TNFRSF19: variants seen among roughly 807,000 people sequenced by gnomAD.
The protein encoded by TNFRSF19 is TNF receptor superfamily member 19.
In TNFRSF19, 27 loss-of-function variants were observed where a neutral mutation model predicts 46.4. The ratio of observed to expected loss-of-function variants is 0.58; its 90% confidence interval spans 0.43 to 0.80. The LOEUF is 0.80. Ranked by LOEUF, TNFRSF19 falls within the 30% of genes least tolerant of loss-of-function variation. TNFRSF19 has a pLI of 0.00. For missense variants in TNFRSF19, 511 were observed against 530.8 expected (o/e 0.96, Z 0.37); for synonymous variants, 204 against 205.0 (o/e 1.00, Z 0.04).
At chr13:23,646,827 T>G (rs1342437451) in intron 5 of TNFRSF19, among the ~76,000 whole-genome samples, 2 of 152,202 alleles carry the variant, frequency 1.3e-5, no homozygotes, top group Non-Finnish European at 2.9e-5. Context: ...ATGGTAACTT[T>G]GTGTTTAATG....
At chr13:23,573,865 A>G (rs953078236) in intron 1 of TNFRSF19, among the ~76,000 whole-genome samples, 1 of 152,082 alleles carries the variant, frequency 6.6e-6, no homozygotes, top group Non-Finnish European at 1.5e-5. Flanking sequence ...GATCGAGACC[A>G]TCCTGGCTAA....
chr13:23,632,935 C>T (rs1318258708), intron 5 of TNFRSF19, among the ~76,000 whole-genome samples: 4 of 152,082 alleles, frequency 2.6e-5, no homozygotes, highest in African/African-American at 9.7e-5. Context: ...CATGAAGAAC[C>T]CCAAACACAT....
intron 4 of TNFRSF19, among the ~76,000 whole-genome samples, chr13:23,619,458 G>A (rs1295247157): frequency 1.3e-5 from 2 of 152,048 alleles, no homozygotes; most frequent in African/African-American, 2.4e-5. Flanking sequence ...TGATTGTGGT[G>A]ATGGTTGTAC....
At chr13:23,636,794 G>A (rs1382286413) in intron 5 of TNFRSF19, among the ~76,000 whole-genome samples, 1 of 152,170 alleles carries the variant, frequency 6.6e-6, no homozygotes, top group East Asian at 1.9e-4. Context: ...GTAGAGTTGA[G>A]GGGAGCAAGG....
Position 23,611,817 on chromosome 13 carries a change from C to G in TNFRSF19, c.181-4050C>G, listed in dbSNP as rs78507787. ...CAGTGGGCCAAACCTAAATGGATAC[C>G]CTCTCTGTGCCAGGACTTGGGGTGC... On this transcript the variant is annotated intron_variant, in intron 3 of 9. Coordinates refer to ENST00000248484, the MANE Select transcript of TNFRSF19 (RefSeq NM_148957.4). Among the ~76,000 whole-genome samples, 1,259 of 152,168 alleles carry G rather than the reference C, an allele frequency of 8.3e-3. 27 individuals are homozygous for G. Among genetic ancestry groups the G allele is most frequent in the East Asian group, 0.076 (395 of 5,176 alleles).
At chr13:23,624,236 C>T in intron 4 of TNFRSF19, among the ~76,000 whole-genome samples, 1 of 151,864 alleles carries the variant, frequency 6.6e-6, no homozygotes, top group East Asian at 1.9e-4. Flanking sequence ...TTCCACTGGT[C>T]TAGTTGTCTG....
chr13:23,590,304 A>ACTC, intron 2 of TNFRSF19, 52 bp downstream of exon 2: 1 of 1,127,700 alleles, frequency 8.9e-7, no homozygotes, highest in Non-Finnish European at 1.3e-6. Flanking sequence ...GAATTCATGT[A>ACTC]CTAATAAGTA....
intron 2 of TNFRSF19, among the ~76,000 whole-genome samples, chr13:23,592,795 A>G (rs913639665): frequency 5.9e-5 from 9 of 152,228 alleles, no homozygotes; most frequent in African/African-American, 2.2e-4. Context: ...TCAAAACCGC[A>G]TGGCAGATAA....
chr13:23,642,252 G>A (rs1020389618), intron 5 of TNFRSF19, among the ~76,000 whole-genome samples: 7 of 152,112 alleles, frequency 4.6e-5, no homozygotes, highest in African/African-American at 1.7e-4. Flanking sequence ...CACTCATTCC[G>A]TCACGTTTCC....
In TNFRSF19 at chr13:23,665,620, TCG is replaced by T. The variant is rs1190847585; in HGVS notation, c.737-2359_737-2358del. ...TCACATTTGCTTTATCCCCTCTCTC[TCG>T]TGTGTGTGTATACTTGTTTTTCATT... On this transcript the variant is annotated intron_variant, in intron 7 of 9. Coordinates refer to ENST00000248484, the MANE Select transcript of TNFRSF19 (RefSeq NM_148957.4). Among the ~76,000 whole-genome samples, 7 of 152,178 alleles carry T rather than the reference TCG, an allele frequency of 4.6e-5. No individual in the cohort carries two copies. The South Asian group carries it at 1.2e-3, about 27-fold the overall frequency.
At chr13:23,641,694 G>A (rs913275998) in intron 5 of TNFRSF19, among the ~76,000 whole-genome samples, 1 of 152,120 alleles carries the variant, frequency 6.6e-6, no homozygotes, top group Non-Finnish European at 1.5e-5. Context: ...TTTGCTAATT[G>A]TTGCTTATTG....
At chr13:23,620,848 C>T (rs745365653) in intron 4 of TNFRSF19, among the ~76,000 whole-genome samples, 1 of 152,242 alleles carries the variant, frequency 6.6e-6, no homozygotes, top group Non-Finnish European at 1.5e-5. Context: ...CTCTTTGCTT[C>T]TTCTGGTGAC....
intron 4 of TNFRSF19, 133 bp downstream of exon 4, chr13:23,616,178 T>A: frequency 1.1e-6 from 1 of 914,102 alleles, no homozygotes; most frequent in Non-Finnish European, 1.6e-6. Flanking sequence ...ATTTGTGACT[T>A]CTTTCAGTAT....
At chr13:23,606,305 C>T (rs777663096) in intron 3 of TNFRSF19, among the ~76,000 whole-genome samples, 1 of 152,056 alleles carries the variant, frequency 6.6e-6, no homozygotes, top group South Asian at 2.1e-4. Flanking sequence ...ACATTTCTGC[C>T]TTTATGTACT....
At chr13:23,590,036 C>T (rs1879146383) in intron 1 of TNFRSF19, 114 bp from the exon 2 acceptor site, 3 of 439,032 alleles carry the variant, frequency 6.8e-6, no homozygotes, top group Non-Finnish European at 1.2e-5. Flanking sequence ...TCTTTTAAAA[C>T]ACAAATAATA....
In TNFRSF19 at chr13:23,615,897, C is replaced by G; in HGVS notation, c.211C>G (p.Gln71Glu). The part of the protein sequence containing the change: ...ECGFGYGEDA[Q>E]CVTCRLHRFK... Reference sequence around the variant, plus strand: ...TGGCTTCGGCTATGGGGAGGATGCACAGTGTGTGACGTGCCGGCTGCACAG... The same window carrying G: ...TGGCTTCGGCTATGGGGAGGATGCAGAGTGTGTGACGTGCCGGCTGCACAG... Residue 71 changes from glutamine to glutamate, a missense_variant, in exon 4 of 10, where the codon CAG becomes GAG. Coordinates refer to ENST00000248484, the MANE Select transcript of TNFRSF19 (RefSeq NM_148957.4). 2 of 1,611,962 alleles carry G rather than the reference C, an allele frequency of 1.2e-6. No individual in the cohort carries two copies. Among genetic ancestry groups the G allele is most frequent in the Non-Finnish European group, 1.7e-6 (2 of 1,178,712 alleles).
intron 2 of TNFRSF19, among the ~76,000 whole-genome samples, chr13:23,590,920 C>T (rs1458744747): frequency 1.3e-5 from 2 of 152,160 alleles, no homozygotes; most frequent in African/African-American, 4.8e-5. Context: ...ATGACCTACA[C>T]AGTTTATGAA....
intron 3 of TNFRSF19, among the ~76,000 whole-genome samples, chr13:23,603,646 C>T (rs1428940396): frequency 6.6e-6 from 1 of 152,042 alleles, no homozygotes; most frequent in Non-Finnish European, 1.5e-5. Context: ...ATCCCACATA[C>T]ACAAGGCTGG....
At chr13:23,653,992 T>C (rs899911126) in intron 5 of TNFRSF19, among the ~76,000 whole-genome samples, 10 of 152,064 alleles carry the variant, frequency 6.6e-5, no homozygotes, top group Non-Finnish European at 7.4e-5. Context: ...CAGTGGGTCT[T>C]GGTGTCTGCG....
Sources: gnomAD v4.1 joint callset for allele counts (sites outside exome capture counted in the v4.1 genomes callset) on GRCh38, gnomAD v4.1.1 for gene constraint, MANE v1.5 for transcripts, NCBI Gene and HGNC (gene_info 2026-07-23, HGNC 2026-07-21) for gene names.